The following PELP1 variants were observed in gnomAD, a reference collection of about 807,000 sequenced individuals.
PELP1 encodes the protein proline-, glutamic acid- and leucine-rich protein 1.
Under a neutral mutation model 95.5 loss-of-function variants are expected in PELP1, and 32 were observed. The observed-to-expected ratio is 0.34, with a 90% confidence interval of 0.25 to 0.45. The LOEUF is 0.45. Among genes scored for constraint, PELP1 ranks in the 20% least tolerant of loss-of-function variants. PELP1 has a pLI of 1.00. For missense variants in PELP1, 1,358 were observed against 1,444.8 expected, an observed-to-expected ratio of 0.94 and a Z score of 0.97; for synonymous variants, 668 against 600.1, an observed-to-expected ratio of 1.11 and a Z score of -1.65.
chr17:4,691,025 G>A (rs1188622023), intron 2 of PELP1, 32 bp from the exon 3 acceptor site: 2 of 1,487,126 alleles, frequency 1.3e-6, no homozygotes, highest in African/African-American at 2.8e-5. Flanking sequence ...ATGTTAAGTG[G>A]GCGGAGGCTA....
At chr17:4,699,376 T>A (rs1226621000) in intron 1 of PELP1, among the ~76,000 whole-genome samples, 7 of 151,278 alleles carry the variant, frequency 4.6e-5, no homozygotes, top group Non-Finnish European at 1.0e-4. Flanking sequence ...CAAGACTCCA[T>A]CTCAAAAAGA....
In PELP1 at chr17:4,685,542, C is replaced by T. The variant is rs1403957937; in HGVS notation, c.421-2590G>A. 2.0e-5 allele frequency among the ~76,000 whole-genome samples: 3 copies of T among 152,146 alleles called. No individual in the cohort carries two copies. The East Asian group carries it at 5.8e-4, about 29-fold the overall frequency. ...CGGTAGCACCTGCCTGTAATCCCAACACTTTGGGAGGCCAAGGTGGGAGGA... is the reference window on the plus strand; with the variant it reads ...CGGTAGCACCTGCCTGTAATCCCAATACTTTGGGAGGCCAAGGTGGGAGGA... On this transcript the variant is annotated intron_variant, in intron 3 of 16. Coordinates refer to ENST00000572293, the MANE Select transcript of PELP1 (RefSeq NM_014389.3).
chr17:4,673,645 G>C lies in PELP1; in HGVS notation c.1612C>G (p.Pro538Ala). ...CTGTGAGTCTCCTCCTTGATGAGAG[G>C]CCCACACATGAGGATGGTCCGGCTG... is the stretch of plus-strand genomic sequence containing the variant. Reference protein sequence around the residue: ...GLSRTILMCGPLIKEETHRRL... With the variant: ...GLSRTILMCGALIKEETHRRL... The change falls in exon 14 of 17, where the codon CCT becomes GCT. Residue 538 changes from proline to alanine, a missense_variant. Transcript: ENST00000572293. The surrounding 1 kb of genome is among the most constrained non-coding windows in gnomAD (Gnocchi z 5.7). 1 of 1,613,886 alleles carries C rather than the reference G, an allele frequency of 6.2e-7. No homozygotes were observed.
chr17:4,689,843 T>A (rs112746039), intron 3 of PELP1, among the ~76,000 whole-genome samples: 3,541 of 152,234 alleles, frequency 0.023, 148 homozygotes, highest in African/African-American at 0.081. Flanking sequence ...CTAGCCAACA[T>A]GGTGAAACCC....
At chr17:4,699,119 G>A (rs1913419179) in intron 1 of PELP1, among the ~76,000 whole-genome samples, 1 of 152,178 alleles carries the variant, frequency 6.6e-6, no homozygotes, top group African/African-American at 2.4e-5. Context: ...GGTGGCTCAG[G>A]CCTGTAATCC....
chr17:4,681,824 G>A (rs1912702335), intron 5 of PELP1, among the ~76,000 whole-genome samples: 1 of 151,410 alleles, frequency 6.6e-6, no homozygotes, highest in Non-Finnish European at 1.5e-5. Context: ...AATAAGATAT[G>A]ATGTGAATTG....
At chr17:4,694,495 T>C (rs7503626) in intron 1 of PELP1, among the ~76,000 whole-genome samples, 2 of 1,824 alleles carry the variant, frequency 1.1e-3, no homozygotes, top group African/African-American at 2.4e-3. Context: ...CTACCAAAAA[T>C]ACAAAAAAAA....
intron 1 of PELP1, among the ~76,000 whole-genome samples, chr17:4,697,183 G>T (rs1371611482): frequency 6.6e-6 from 1 of 152,050 alleles, no homozygotes; most frequent in African/African-American, 2.4e-5. Flanking sequence ...GTCTTTACTG[G>T]AAAGGAGTAA....
chr17:4,695,051 C>T (rs994131401), intron 1 of PELP1, among the ~76,000 whole-genome samples: 5 of 149,338 alleles, frequency 3.3e-5, no homozygotes, highest in African/African-American at 4.9e-5. Context: ...GGCCAGGCAC[C>T]GTGGCTCATG....
At chr17:4,688,906 A>G (rs1912999663) in intron 3 of PELP1, among the ~76,000 whole-genome samples, 1 of 152,254 alleles carries the variant, frequency 6.6e-6, no homozygotes, top group African/African-American at 2.4e-5. Flanking sequence ...GCTAAGCAAA[A>G]AGAACAAATC....
In PELP1 at chr17:4,673,403, G is replaced by A; in HGVS notation, c.1692C>T (p.Val564=). The part of the protein sequence containing the change: ...PLVMGVQQGE[V]LGSSPYTSSR... ...AGCTCGTGTACGGGGAGCTGCCTAG[G>A]ACCTCACCCTGCTGTACACCCATGA... The change falls in exon 15 of 17, where the codon GTC becomes GTT. Residue 564 remains valine (V), a synonymous_variant. Transcript: ENST00000572293. This position sits in a 1 kb window ranked among gnomAD's most constrained non-coding sequence, Gnocchi z 5.7. The A allele has an allele frequency of 6.3e-7, 1 of 1,596,778 alleles. No homozygotes were observed. The highest frequency in any genetic ancestry group is 8.5e-7 in the Non-Finnish European group (1 of 1,172,262).
chr17:4,673,722 C>T lies in PELP1; in HGVS notation c.1583-48G>A, dbSNP rs1367786730. The T allele has an allele frequency of 9.1e-6, 14 of 1,539,060 alleles. No homozygotes were observed. Among genetic ancestry groups the T allele is most frequent in the South Asian group, 2.2e-5 (2 of 89,594 alleles). ...AAAGGGTAGGCTCCCAACAGACTGA[C>T]GGCAAGGGCTTCTGAAGCATACAGC... On this transcript the variant is annotated intron_variant, in intron 13 of 16. Transcript: ENST00000572293. The surrounding 1 kb of genome is among the most constrained non-coding windows in gnomAD (Gnocchi z 5.7).
At chr17:4,690,212 G>C (rs564156663) in intron 3 of PELP1, among the ~76,000 whole-genome samples, 1 of 152,074 alleles carries the variant, frequency 6.6e-6, no homozygotes, top group South Asian at 2.1e-4. Context: ...CTTACAACTG[G>C]GAGTTAAGCT....
At position 4,675,726 on chromosome 17, in the gene PELP1, G is replaced by A. The variant is rs904610756; in HGVS notation, c.1068+71C>T. 9.1e-7 allele frequency: 1 copy of A among 1,100,122 alleles called. No individual in the cohort carries two copies. The highest frequency in any genetic ancestry group is 1.6e-5 in the African/African-American group (1 of 64,410). The allele number at this position is 1,100,122 out of a possible 1,614,324, so 68.1% of individuals were successfully genotyped here. On this transcript the variant is annotated intron_variant, in intron 9 of 16. Transcript: ENST00000572293. This position sits in a 1 kb window ranked among gnomAD's most constrained non-coding sequence, Gnocchi z 4.3. Reference sequence around the variant, plus strand: ...GGATGACACTGTTTGGGGAGACTCAGGTCCCCAGTACTTTCCTGGTTGCCT... The same window carrying A: ...GGATGACACTGTTTGGGGAGACTCAAGTCCCCAGTACTTTCCTGGTTGCCT...
rs1219518508 is a variant in PELP1 at position 4,676,182 on chromosome 17, C to T, written c.854-20G>A. The T allele has an allele frequency of 6.2e-7, 1 of 1,612,526 alleles. No individual in the cohort carries two copies. Among genetic ancestry groups the T allele is most frequent in the Admixed American group, 1.7e-5 (1 of 59,894 alleles). On this transcript the variant is annotated intron_variant, in intron 7 of 16. Coordinates refer to ENST00000572293, the MANE Select transcript of PELP1 (RefSeq NM_014389.3). ...CAGGAGCTGGCAGAAGCACAACTAC[C>T]CTGTACACTGTCTTTCTTCCATCCC...
Position 4,678,634 on chromosome 17 carries a change from G to A in PELP1, c.643-1822C>T, listed in dbSNP as rs148093517. Among the ~76,000 whole-genome samples, 7 of 152,260 alleles carry A rather than the reference G, an allele frequency of 4.6e-5. No homozygotes were observed. The East Asian group carries it at 1.4e-3, about 29-fold the overall frequency. On this transcript the variant is annotated intron_variant, in intron 5 of 16. Transcript: ENST00000572293. Reference sequence around the variant, plus strand: ...TCGCTTGGAACAGTTCACTCAAAACGCGCACACACACAGCATGTCCTGGGG... The same window carrying A: ...TCGCTTGGAACAGTTCACTCAAAACACGCACACACACAGCATGTCCTGGGG...
chr17:4,682,854 G>A lies in PELP1; in HGVS notation c.519C>T (p.Ser173=). The A allele has an allele frequency of 1.2e-6, 2 of 1,601,914 alleles. No individual in the cohort carries two copies. The highest frequency in any genetic ancestry group is 4.5e-5 in the East Asian group (2 of 44,670). The change falls in exon 4 of 17, where the codon TCC becomes TCT. Residue 173 remains serine (S), a synonymous_variant. Coordinates refer to ENST00000572293, the MANE Select transcript of PELP1 (RefSeq NM_014389.3). The stretch of plus-strand genomic sequence containing the variant: ...TGAGAAGGCCAGGGAGGTGGTTCAT[G>A]GAGATGTCCCGGAACAGTGCAGGCA... The part of the protein sequence containing the change: ...AQLPALFRDI[S]MNHLPGLLTS...
At position 4,673,154 on chromosome 17, in the gene PELP1, A is replaced by G; in HGVS notation, c.1846-9T>C. 6.6e-7 allele frequency: 1 copy of G among 1,511,154 alleles called. No homozygotes were observed. The highest frequency in any genetic ancestry group is 8.9e-7 in the Non-Finnish European group (1 of 1,129,778). The allele number at this position is 1,511,154 out of a possible 1,614,324, so 93.6% of individuals were successfully genotyped here. A position where few individuals can be genotyped will look rare whatever the true frequency, so the allele number is the denominator to read the frequency against. ...GAGCAGAAAGAGGAGACCTGAGGAA[A>G]GAAGAAAGGGCAAGTGTGAGCACCA... On this transcript the variant is annotated splice_polypyrimidine_tract_variant and intron_variant, in intron 15 of 16. Coordinates refer to ENST00000572293, the MANE Select transcript of PELP1 (RefSeq NM_014389.3). This position sits in a 1 kb window ranked among gnomAD's most constrained non-coding sequence, Gnocchi z 5.7.
rs762742160 is a variant in PELP1 at position 4,675,863 on chromosome 17, C to A, written c.1002G>T (p.Val334=). 6.3e-7 allele frequency: 1 copy of A among 1,592,054 alleles called. No individual in the cohort carries two copies. Among genetic ancestry groups the A allele is most frequent in the Middle Eastern group, 1.7e-4 (1 of 6,044 alleles). Reference sequence around the variant, plus strand: ...CCAGGATTTCCTGCACAGGGACGGACACGGGAGCTCCAAACTCAGAGCTAA... The same window carrying A: ...CCAGGATTTCCTGCACAGGGACGGAAACGGGAGCTCCAAACTCAGAGCTAA... ...LMLSSEFGAP[V]SVPVQEILDF... is the part of the protein sequence containing the mutation. Residue 334 remains valine, a synonymous_variant, in exon 9 of 17, where the codon GTG becomes GTT. Coordinates refer to ENST00000572293, the MANE Select transcript of PELP1 (RefSeq NM_014389.3). This position sits in a 1 kb window ranked among gnomAD's most constrained non-coding sequence, Gnocchi z 4.3.
Sources: allele counts gnomAD v4.1 joint callset (sites outside exome capture counted in the v4.1 genomes callset), GRCh38; gene constraint gnomAD v4.1.1; non-coding constraint Gnocchi (gnomAD v3.1); transcripts MANE v1.5; gene names NCBI Gene and HGNC (gene_info 2026-07-23, HGNC 2026-07-21).